The following C2orf42 variants were observed in gnomAD, a reference collection of about 807,000 sequenced individuals.
C2orf42 encodes the protein chromosome 2 open reading frame 42.
A neutral mutation model predicts 58.9 loss-of-function variants in C2orf42; 44 were observed. That is an observed-to-expected ratio of 0.75 (90% confidence interval 0.59 to 0.96). The LOEUF is 0.96. C2orf42 is among the 40% of genes least tolerant of loss of function. The pLI is 0.00. For missense variants in C2orf42, 630 were observed against 699.2 expected, an observed-to-expected ratio of 0.90 and a Z score of 1.12; for synonymous variants, 239 against 265.4, an observed-to-expected ratio of 0.90 and a Z score of 0.97.
chr2:70,152,017 T>C (rs949474302), intron 9 of C2orf42, among the ~76,000 whole-genome samples: 2 of 152,112 alleles, frequency 1.3e-5, no homozygotes, highest in African/African-American at 4.8e-5. Context: ...CCTCTGATGA[T>C]CCTCCCACCT....
At position 70,190,961 on chromosome 2, in the gene C2orf42, G is replaced by A. The variant is rs1675323367; in HGVS notation, c.-282+12C>T. Reference sequence around the variant, plus strand: ...GCGAGCCCCGGGGCCCTTAGCTGACGACCGCCCTCACCTCTTCTCTCTTCG... The same window carrying A: ...GCGAGCCCCGGGGCCCTTAGCTGACAACCGCCCTCACCTCTTCTCTCTTCG... On this transcript the variant is annotated intron_variant, in intron 1 of 9. Coordinates refer to ENST00000264434, the MANE Select transcript of C2orf42 (RefSeq NM_017880.3). The A allele has an allele frequency of 6.5e-6, 1 of 152,912 alleles. No homozygotes were observed. The highest frequency in any genetic ancestry group is 1.5e-5 in the Non-Finnish European group (1 of 68,670). 9.5% of individuals were successfully genotyped at this position (152,912 alleles called of 1,614,324 possible). A position where few individuals can be genotyped will look rare whatever the true frequency, so the allele number is the denominator to read the frequency against.
chr2:70,176,719 C>G (rs973478414), intron 4 of C2orf42, among the ~76,000 whole-genome samples: 1 of 151,894 alleles, frequency 6.6e-6, no homozygotes, highest in Non-Finnish European at 1.5e-5. Flanking sequence ...GCCTTGAGCT[C>G]CCGGGCTCAA....
intron 2 of C2orf42, chr2:70,182,248 C>T (rs570316801): frequency 3.0e-4 from 84 of 277,174 alleles, no homozygotes; most frequent in African/African-American, 1.7e-3. Context: ...TATAGGCACC[C>T]GCCACCACGC....
chr2:70,183,506 T>G (rs1240524064), intron 1 of C2orf42, among the ~76,000 whole-genome samples: 1 of 151,600 alleles, frequency 6.6e-6, no homozygotes, highest in East Asian at 2.0e-4. Context: ...CTCGGCTCAC[T>G]GCAACCTCCA....
At chr2:70,177,740 T>TA (rs1674286026) in intron 4 of C2orf42, among the ~76,000 whole-genome samples, 1 of 152,190 alleles carries the variant, frequency 6.6e-6, no homozygotes, top group Non-Finnish European at 1.5e-5. Flanking sequence ...CTCATCATTT[T>TA]AAAAAACTTT....
At chr2:70,163,162 G>A (rs770697228) in intron 8 of C2orf42, among the ~76,000 whole-genome samples, 2 of 150,800 alleles carry the variant, frequency 1.3e-5, no homozygotes, top group Non-Finnish European at 3.0e-5. Flanking sequence ...GCCACCGTGC[G>A]CGGCCTGAAT....
chr2:70,157,987 C>T (rs965223266), intron 9 of C2orf42, among the ~76,000 whole-genome samples: 1 of 151,938 alleles, frequency 6.6e-6, no homozygotes, highest in South Asian at 2.1e-4. Context: ...GATCACCAGA[C>T]GTCCAGAGTT....
chr2:70,171,114 CA>C (rs5832002), intron 5 of C2orf42, among the ~76,000 whole-genome samples: 37 of 142,184 alleles, frequency 2.6e-4, no homozygotes, highest in Admixed American at 2.8e-4. Flanking sequence ...GACTCCATCT[CA>C]AAAAAAAAAA....
chr2:70,155,927 G>A (rs1482481431), intron 9 of C2orf42, among the ~76,000 whole-genome samples: 6 of 152,162 alleles, frequency 3.9e-5, no homozygotes, highest in East Asian at 3.9e-4. Context: ...AGGCTGAGGC[G>A]GGCAGATCAC....
rs770392058 is a variant in C2orf42 at position 70,181,580 on chromosome 2, T to A, written c.406A>T (p.Ile136Phe). The change falls in exon 3 of 10, where the codon ATC (isoleucine) becomes TTC (phenylalanine). Residue 136 changes from isoleucine (I) to phenylalanine (F), a missense_variant. Physicochemically the swap from Ile to Phe is conservative, Grantham distance 21. Transcript: ENST00000264434. The stretch of plus-strand genomic sequence containing the variant: ...GCCTGGCAGTTCACCGCCAGCTTGA[T>A]GTGCTGGCACTGGTTTTCCACAACG... The part of the protein sequence containing the change: ...QGVVENQCQH[I>F]KLAVNCQAEA... 2 of 1,614,018 alleles carry A rather than the reference T, an allele frequency of 1.2e-6. No homozygotes were observed. The highest frequency in any genetic ancestry group is 1.3e-5 in the African/African-American group (1 of 74,914).
At chr2:70,168,579 C>T (rs1673571146) in intron 6 of C2orf42, among the ~76,000 whole-genome samples, 1 of 151,212 alleles carries the variant, frequency 6.6e-6, no homozygotes, top group South Asian at 2.1e-4. Context: ...TGAGCCACCG[C>T]ACCCGGCTGC....
intron 1 of C2orf42, among the ~76,000 whole-genome samples, chr2:70,183,461 C>A (rs1274914215): frequency 6.6e-6 from 1 of 151,540 alleles, no homozygotes; most frequent in Non-Finnish European, 1.5e-5. Flanking sequence ...TGGAGTCTCA[C>A]TCTGCTCACC....
intron 9 of C2orf42, among the ~76,000 whole-genome samples, chr2:70,159,465 G>A (rs1672917816): frequency 6.6e-6 from 1 of 151,286 alleles, no homozygotes; most frequent in South Asian, 2.1e-4. Context: ...GTGGGCGCCT[G>A]TAATCCCAGC....
chr2:70,159,914 C>T (rs1672947843), intron 9 of C2orf42, among the ~76,000 whole-genome samples: 1 of 151,988 alleles, frequency 6.6e-6, no homozygotes, highest in Non-Finnish European at 1.5e-5. Context: ...AAGAGATTTC[C>T]ATAACTGGAA....
intron 6 of C2orf42, 67 bp from the exon 7 acceptor site, chr2:70,165,702 G>C (rs1673355699): frequency 1.2e-6 from 1 of 853,738 alleles, no homozygotes; most frequent in South Asian, 1.4e-5. Flanking sequence ...TACAGGGAGA[G>C]GTGAAAGAAA....
chr2:70,175,128 T>G (rs771127035), intron 5 of C2orf42, among the ~76,000 whole-genome samples: 2 of 152,188 alleles, frequency 1.3e-5, no homozygotes, highest in African/African-American at 2.4e-5. Context: ...ATGTTTTGTT[T>G]GTTTGTTTGT....
Position 70,186,350 on chromosome 2 carries a change from T to C in C2orf42, c.-281-3415A>G, listed in dbSNP as rs1231453213. 4.6e-5 allele frequency among the ~76,000 whole-genome samples: 7 copies of C among 152,188 alleles called. No individual in the cohort carries two copies. The East Asian group carries it at 9.6e-4, about 21-fold the overall frequency. On this transcript the variant is annotated intron_variant, in intron 1 of 9. Coordinates refer to ENST00000264434, the MANE Select transcript of C2orf42 (RefSeq NM_017880.3). ...CACACATATATACAATTTGTATATATGAAAGAGCTTAGAAAAAATTAATTT... is the reference window on the plus strand; with the variant it reads ...CACACATATATACAATTTGTATATACGAAAGAGCTTAGAAAAAATTAATTT...
At chr2:70,166,301 C>T (rs1673398121) in intron 6 of C2orf42, among the ~76,000 whole-genome samples, 1 of 150,826 alleles carries the variant, frequency 6.6e-6, no homozygotes, top group African/African-American at 2.4e-5. Flanking sequence ...CTGCAGTAAG[C>T]CATGATCACG....
Position 70,150,234 on chromosome 2 carries a change from C to G in C2orf42, c.*122G>C. The G allele has an allele frequency of 1.3e-6, 1 of 760,392 alleles. No homozygotes were observed. The highest frequency in any genetic ancestry group is 2.4e-5 in the Admixed American group (1 of 42,550). The allele number at this position is 760,392 out of a possible 1,614,324, so 47.1% of individuals were successfully genotyped here. Reference sequence around the variant, plus strand: ...TCCACTTGAAAGCACTGAGAATTTGCATCTTAGCTAAGAGCAGTTTACCAA... The same window carrying G: ...TCCACTTGAAAGCACTGAGAATTTGGATCTTAGCTAAGAGCAGTTTACCAA... On this transcript the variant is annotated 3_prime_UTR_variant, in exon 10 of 10. Transcript: ENST00000264434.
Sources: allele counts gnomAD v4.1 joint callset (sites outside exome capture counted in the v4.1 genomes callset), GRCh38; gene constraint gnomAD v4.1.1; transcripts MANE v1.5; gene names NCBI Gene and HGNC (gene_info 2026-07-23, HGNC 2026-07-21).